STARD13: variants seen among roughly 807,000 people sequenced by gnomAD.
The protein encoded by STARD13 is stAR-related lipid transfer protein 13.
STARD13 carries 62 observed loss-of-function variants against 106.4 expected under a neutral mutation model. The observed-to-expected ratio is 0.58, with a 90% CI of 0.48 to 0.72. STARD13 has a LOEUF of 0.72. Ranked by LOEUF, STARD13 falls within the 30% of genes least tolerant of loss-of-function variation. The pLI, the probability that STARD13 is intolerant of heterozygous loss-of-function variation, is 0.00. For missense variants in STARD13, 1,387 were observed against 1,424.0 expected (o/e 0.97, Z 0.42); for synonymous variants, 565 against 553.0 (o/e 1.02, Z -0.31).
intron 1 of STARD13, chr13:33,333,900 T>A (rs920793013): frequency 6.6e-6 from 1 of 152,194 alleles, no homozygotes; most frequent in Admixed American, 6.5e-5. Flanking sequence ...TGACTTGAAG[T>A]TGGGCTGTAA....
the STARD13 span, among the ~76,000 whole-genome samples, chr13:33,499,102 C>A: frequency 6.6e-6 from 1 of 152,202 alleles, no homozygotes; most frequent in Non-Finnish European, 1.5e-5. Context: ...CACGCCATTG[C>A]ACTCCAGCCT....
chr13:33,498,395 C>T, the STARD13 span, among the ~76,000 whole-genome samples: 1 of 152,088 alleles, frequency 6.6e-6, no homozygotes, highest in African/African-American at 2.4e-5. Flanking sequence ...ATTGTTAGAG[C>T]CTCTTTATTT....
Position 33,126,177 on chromosome 13 carries a change from G to C in STARD13, c.1986C>G (p.Gly662=), listed in dbSNP as rs1000935855. The C allele has an allele frequency of 5.0e-6, 8 of 1,613,954 alleles. No homozygotes were observed. In the Admixed American group the frequency reaches 8.3e-5, roughly 17 times the overall value. The change falls in exon 7 of 14, where the codon GGC becomes GGG. Residue 662 remains glycine, a synonymous_variant. Coordinates refer to ENST00000336934, the MANE Select transcript of STARD13 (RefSeq NM_178006.4). ...VPDYKDKAVF[G]VPLIVHVQRT... ...TTTGGACGTGGACTATGAGAGGAAC[G>C]CCAAAGACAGCCTTGTCTTTGTAGT... is the stretch of plus-strand genomic sequence containing the variant.
chr13:33,268,088 G>C (rs549572792), intron 1 of STARD13, among the ~76,000 whole-genome samples: 85 of 152,344 alleles, frequency 5.6e-4, no homozygotes, highest in Non-Finnish European at 7.9e-4. Context: ...CTTCATGCCA[G>C]AGATGAAGTT....
the STARD13 span, among the ~76,000 whole-genome samples, chr13:33,597,933 CTAT>C: frequency 6.6e-6 from 1 of 151,948 alleles, no homozygotes; most frequent in African/African-American, 2.4e-5. Context: ...ATGTTGATGG[CTAT>C]TATTTGATAG....
rs961623035 is a variant in STARD13 at position 33,185,141 on chromosome 13, GTGGGGTTCAGGTAAAT to G, written c.170-17535_170-17520del. Among the ~76,000 whole-genome samples the G allele has an allele frequency of 2.2e-4, 34 of 152,272 alleles. 2 individuals carry two copies. The South Asian group carries it at 3.3e-3, about 15-fold the overall frequency. ...GCAGCCTCCATGTATGCCAGAAAAT[GTGGGGTTCAGGTAAAT>G]TCTGACTGCACTCTAGACATTTATG... On this transcript the variant is annotated intron_variant, in intron 1 of 13. Transcript: ENST00000336934.
the STARD13 span, among the ~76,000 whole-genome samples, chr13:33,614,230 AG>A: frequency 6.7e-6 from 1 of 150,224 alleles, no homozygotes; most frequent in Non-Finnish European, 1.5e-5. Flanking sequence ...CAGGACCCGA[AG>A]GCTGCCTAAA....
intron 1 of STARD13, among the ~76,000 whole-genome samples, chr13:33,193,618 C>T (rs895112739): frequency 3.3e-5 from 5 of 152,146 alleles, no homozygotes; most frequent in African/African-American, 1.2e-4. Flanking sequence ...GCGACAGTGT[C>T]AGGATTCAAA....
chr13:33,188,926 C>G (rs769237929), intron 1 of STARD13, among the ~76,000 whole-genome samples: 13 of 152,164 alleles, frequency 8.5e-5, no homozygotes, highest in Non-Finnish European at 1.3e-4. Context: ...TATTTTCCGG[C>G]TAACTTTGCT....
chr13:33,398,232 C>T, the STARD13 span, among the ~76,000 whole-genome samples: 1 of 152,182 alleles, frequency 6.6e-6, no homozygotes, highest in Non-Finnish European at 1.5e-5. Flanking sequence ...TAGGTCTGTG[C>T]TCTTGTAATA....
the STARD13 span, among the ~76,000 whole-genome samples, chr13:33,614,618 A>G: frequency 6.6e-6 from 1 of 152,212 alleles, no homozygotes; most frequent in African/African-American, 2.4e-5. Flanking sequence ...ATCAAGTGCC[A>G]TGAAAAAAAC....
chr13:33,609,580 T>C, the STARD13 span, among the ~76,000 whole-genome samples: 1 of 151,696 alleles, frequency 6.6e-6, no homozygotes, highest in Non-Finnish European at 1.5e-5. Context: ...TTTTTTTTTT[T>C]TTTTGAGATG....
At chr13:33,238,445 G>T (rs1594148104) in intron 1 of STARD13, among the ~76,000 whole-genome samples, 1 of 152,122 alleles carries the variant, frequency 6.6e-6, no homozygotes, top group African/African-American at 2.4e-5. Flanking sequence ...TAAAGTGAGT[G>T]ATAAAAAAGT....
chr13:33,215,754 T>G (rs1157538364), intron 1 of STARD13, among the ~76,000 whole-genome samples: 2 of 152,176 alleles, frequency 1.3e-5, no homozygotes, highest in Non-Finnish European at 2.9e-5. Flanking sequence ...ACAGGAAACT[T>G]TTTGTGATCA....
intron 1 of STARD13, among the ~76,000 whole-genome samples, chr13:33,240,907 G>A (rs1889453622): frequency 6.6e-6 from 1 of 152,270 alleles, no homozygotes; most frequent in South Asian, 2.1e-4. Flanking sequence ...ATGTTCGCAT[G>A]TTGGTTTTGT....
chr13:33,615,907 C>T, the STARD13 span, among the ~76,000 whole-genome samples: 2 of 152,092 alleles, frequency 1.3e-5, no homozygotes, highest in Non-Finnish European at 2.9e-5. Context: ...TATAGTATTG[C>T]CAAGTGTTTA....
the STARD13 span, among the ~76,000 whole-genome samples, chr13:33,588,829 T>C: frequency 6.6e-6 from 1 of 152,232 alleles, no homozygotes; most frequent in Non-Finnish European, 1.5e-5. Flanking sequence ...CTCACTCACT[T>C]GCTTACTACT....
the STARD13 span, among the ~76,000 whole-genome samples, chr13:33,362,360 G>A: frequency 3.9e-5 from 6 of 152,226 alleles, no homozygotes; most frequent in South Asian, 4.1e-4. Flanking sequence ...ATCCGTCCCC[G>A]TGATCCATTC....
the STARD13 span, among the ~76,000 whole-genome samples, chr13:33,656,091 T>C: frequency 2.0e-5 from 3 of 152,196 alleles, no homozygotes; most frequent in African/African-American, 7.2e-5. Context: ...GCTTCATTTT[T>C]CTCCACAGCA....
Sources: gnomAD v4.1 joint callset for allele counts (sites outside exome capture counted in the v4.1 genomes callset) on GRCh38, gnomAD v4.1.1 for gene constraint, MANE v1.5 for transcripts, NCBI Gene and HGNC (gene_info 2026-07-23, HGNC 2026-07-21) for gene names.